The following KLF8 variants were observed in gnomAD, a reference collection of about 807,000 sequenced individuals.
The protein encoded by KLF8 is Krueppel-like factor 8.
A neutral mutation model predicts 18.2 loss-of-function variants in KLF8; 10 were observed. The observed-to-expected ratio is 0.55, with a 90% CI of 0.34 to 0.93. The LOEUF (loss-of-function observed/expected upper bound fraction) is 0.93. Among genes scored for constraint, KLF8 ranks in the 40% least tolerant of loss-of-function variants. The pLI is 0.02. For missense variants in KLF8, 264 were observed against 277.9 expected (o/e 0.95, Z 0.36); for synonymous variants, 109 against 97.3 (o/e 1.12, Z -0.71).
chrX:56,247,426 C>G (rs780718408), intron 1 of KLF8, among the ~76,000 whole-genome samples: 1 of 111,734 alleles, frequency 8.9e-6, no homozygotes, highest in Non-Finnish European at 1.9e-5. Flanking sequence ...TTACTTTAGA[C>G]TTTTTAAACA....
the KLF8 span, among the ~76,000 whole-genome samples, chrX:56,202,740 G>A: frequency 2.7e-5 from 3 of 110,776 alleles, no homozygotes; most frequent in African/African-American, 9.8e-5. Flanking sequence ...CATGCATATT[G>A]TTGCAAATGA....
the KLF8 span, among the ~76,000 whole-genome samples, chrX:56,088,238 A>G: frequency 1.8e-5 from 2 of 111,979 alleles, no homozygotes; most frequent in African/African-American, 6.5e-5. Flanking sequence ...CCCACCTTGA[A>G]TCCTGCAAGG....
chrX:55,912,273 G>C, the KLF8 span, among the ~76,000 whole-genome samples: 7 of 110,971 alleles, frequency 6.3e-5, no homozygotes, highest in African/African-American at 2.3e-4. Context: ...TACCTTAGAG[G>C]TTAGAGGTTC....
the KLF8 span, among the ~76,000 whole-genome samples, chrX:56,186,221 C>A: frequency 6.3e-5 from 7 of 111,095 alleles, no homozygotes; most frequent in African/African-American, 2.3e-4. Flanking sequence ...GCAGGGGTTG[C>A]AATCCTAGTC....
At chrX:56,191,321 T>C in the KLF8 span, among the ~76,000 whole-genome samples, 1 of 111,838 alleles carries the variant, frequency 8.9e-6, no homozygotes, top group Non-Finnish European at 1.9e-5. Context: ...TAGTTGAAAT[T>C]GTCTAAGCTA....
At chrX:56,073,253 C>T in the KLF8 span, among the ~76,000 whole-genome samples, 1 of 112,357 alleles carries the variant, frequency 8.9e-6, no homozygotes, top group Admixed American at 9.4e-5. Flanking sequence ...TCCCAAAGTG[C>T]TGGGATTACA....
the KLF8 span, among the ~76,000 whole-genome samples, chrX:56,209,004 C>T: frequency 9.0e-6 from 1 of 111,711 alleles, no homozygotes; most frequent in Non-Finnish European, 1.9e-5. Flanking sequence ...ATTAAGTCTG[C>T]TGTTTCCTTG....
chrX:56,194,439 G>A, the KLF8 span, among the ~76,000 whole-genome samples: 19 of 112,059 alleles, frequency 1.7e-4, no homozygotes, highest in Admixed American at 8.5e-4. Context: ...TCCCAGACCC[G>A]CAGAGCCTTG....
chrX:56,166,872 A>G, the KLF8 span, among the ~76,000 whole-genome samples: 4 of 111,559 alleles, frequency 3.6e-5, no homozygotes, highest in African/African-American at 1.3e-4. Flanking sequence ...AGATGTGACA[A>G]TTGCCAGGCT....
At position 56,263,063 on chromosome X, in the gene KLF8, T is replaced by TG. The variant is rs2066907383; in HGVS notation, c.82-2117_82-2116insG. On this transcript the variant is annotated intron_variant, in intron 2 of 5. Transcript: ENST00000468660. ...TATCTTTTTAATCTGGGAATGGAGC[T>TG]ACTCAAGTGAAGAGTTATGTGGGAA... Among the ~76,000 whole-genome samples the TG allele has an allele frequency of 2.7e-5, 3 of 112,346 alleles. No individual in the cohort carries two copies. The South Asian group carries it at 1.1e-3, about 42-fold the overall frequency.
At chrX:56,027,483 G>T in the KLF8 span, among the ~76,000 whole-genome samples, 1 of 112,275 alleles carries the variant, frequency 8.9e-6, no homozygotes, top group African/African-American at 3.2e-5. Flanking sequence ...TACTTGAAGG[G>T]TTAGAAAGGC....
the KLF8 span, among the ~76,000 whole-genome samples, chrX:56,107,498 G>A: frequency 8.9e-6 from 1 of 111,896 alleles, no homozygotes. Context: ...CCGTCATCAA[G>A]GCTCCATGGA....
the KLF8 span, among the ~76,000 whole-genome samples, chrX:56,020,914 C>T: frequency 2.0e-4 from 22 of 112,002 alleles, no homozygotes; most frequent in Non-Finnish European, 5.6e-5. Flanking sequence ...CTCTTCACAT[C>T]ACAATACCTT....
the KLF8 span, among the ~76,000 whole-genome samples, chrX:56,221,739 G>A: frequency 8.9e-6 from 1 of 111,744 alleles, no homozygotes; most frequent in African/African-American, 3.3e-5. Flanking sequence ...CTTCACGAGT[G>A]TCACAGCTCA....
At chrX:56,250,821 A>C (rs1225931281) in intron 2 of KLF8, among the ~76,000 whole-genome samples, 2 of 111,695 alleles carry the variant, frequency 1.8e-5, no homozygotes, top group Non-Finnish European at 3.8e-5. Context: ...CATCAGGGGT[A>C]GGCCGGCAGG....
At chrX:56,128,307 T>G in the KLF8 span, among the ~76,000 whole-genome samples, 3 of 111,704 alleles carry the variant, frequency 2.7e-5, no homozygotes, top group African/African-American at 9.8e-5. Flanking sequence ...ATCATATCCT[T>G]TAGGCCTGGT....
At chrX:56,154,746 A>G in the KLF8 span, among the ~76,000 whole-genome samples, 1 of 111,951 alleles carries the variant, frequency 8.9e-6, no homozygotes, top group East Asian at 2.8e-4. Flanking sequence ...ATGAACTCAA[A>G]CTAATTTACA....
the KLF8 span, among the ~76,000 whole-genome samples, chrX:56,056,196 G>GT: frequency 9.0e-5 from 10 of 110,521 alleles, no homozygotes; most frequent in Non-Finnish European, 1.5e-4. Flanking sequence ...GGGCTTATGG[G>GT]TTTTTTTTAT....
the KLF8 span, among the ~76,000 whole-genome samples, chrX:56,183,714 G>T: frequency 3.7e-3 from 413 of 111,802 alleles, 2 homozygotes; most frequent in Non-Finnish European, 6.9e-3. Context: ...TCACTATAAG[G>T]AAGACAGGAA....
Sources: allele counts gnomAD v4.1 joint callset (sites outside exome capture counted in the v4.1 genomes callset), GRCh38; gene constraint gnomAD v4.1.1; transcripts MANE v1.5; gene names NCBI Gene and HGNC (gene_info 2026-07-23, HGNC 2026-07-21).